The following GABRR2 variants were observed in gnomAD, a reference collection of about 807,000 sequenced individuals.
The protein encoded by GABRR2 is gamma-aminobutyric acid receptor subunit rho-2.
GABRR2 carries 36 observed loss-of-function variants against 47.0 expected under a neutral mutation model. The ratio of observed to expected loss-of-function variants is 0.77; its 90% CI spans 0.59 to 1.01. GABRR2 has a LOEUF of 1.01. GABRR2 is among the 50% of genes least tolerant of loss of function. The probability of loss-of-function intolerance (pLI) is 0.00; values close to 1 mark genes in which losing one functional copy is unlikely to be tolerated. For missense variants in GABRR2, 587 were observed against 594.6 expected, an observed-to-expected ratio of 0.99 and a Z score of 0.13; for synonymous variants, 204 against 227.5, an observed-to-expected ratio of 0.90 and a Z score of 0.93.
chr6:89,301,817 GC>G, intron 1 of GABRR2: 1 of 945,818 alleles, frequency 1.1e-6, no homozygotes. Flanking sequence ...GCCGGCCAGT[GC>G]GGCAACTAGA....
intron 2 of GABRR2, among the ~76,000 whole-genome samples, chr6:89,287,509 C>A (rs757321003): frequency 7.9e-5 from 12 of 152,246 alleles, no homozygotes; most frequent in Non-Finnish European, 1.6e-4. Flanking sequence ...GTCATGTCTG[C>A]GTCTGGAGCC....
chr6:89,260,936 G>T (rs527577776), intron 8 of GABRR2, among the ~76,000 whole-genome samples: 175 of 152,332 alleles, frequency 1.1e-3, no homozygotes, highest in African/African-American at 4.1e-3. Context: ...CAGCAACTAT[G>T]CTTCTTGGTC....
At chr6:89,280,211 A>AATATATATATATATATATATAT (rs35295435) in intron 2 of GABRR2, among the ~76,000 whole-genome samples, 1 of 110,380 alleles carries the variant, frequency 9.1e-6, no homozygotes, top group Non-Finnish European at 1.8e-5. Context: ...TCTAAAAACA[A>AATATATATATATATATATATAT]ATATATATAT....
intron 2 of GABRR2, among the ~76,000 whole-genome samples, chr6:89,282,954 G>C (rs1774275035): frequency 1.3e-5 from 2 of 152,208 alleles, no homozygotes; most frequent in African/African-American, 4.8e-5. Context: ...ACTCCATCCT[G>C]TGTGCTGCAC....
At chr6:89,310,578 C>G (rs1163108006) in intron 1 of GABRR2, among the ~76,000 whole-genome samples, 1 of 152,136 alleles carries the variant, frequency 6.6e-6, no homozygotes. Flanking sequence ...TCTTAAATCC[C>G]TACCCTCTAC....
chr6:89,307,735 T>C (rs1198506474), intron 1 of GABRR2, among the ~76,000 whole-genome samples: 3 of 152,124 alleles, frequency 2.0e-5, no homozygotes, highest in African/African-American at 4.8e-5. Context: ...TAGAAATCAA[T>C]GGAGATTTGG....
chr6:89,265,646 C>A lies in GABRR2; in HGVS notation c.856G>T (p.Asp286Tyr). ...ACTCTGGCAGGCACAGCTCTGCGGT[C>A]GATCCAGAAGGACACCCAGGACAGC... ...VMLSWVSFWI[D>Y]RRAVPARVSL... Residue 286 changes from aspartate (D) to tyrosine (Y), a missense_variant, in exon 7 of 9, where the codon GAC (aspartate) becomes TAC (tyrosine). Coordinates refer to ENST00000402938, the MANE Select transcript of GABRR2 (RefSeq NM_002043.5). The A allele has an allele frequency of 6.2e-7, 1 of 1,614,042 alleles. No homozygotes were observed. The highest frequency in any genetic ancestry group is 1.1e-5 in the South Asian group (1 of 91,050).
intron 1 of GABRR2, 51 bp from the exon 2 acceptor site, chr6:89,299,916 G>T (rs1000651232): frequency 6.7e-6 from 8 of 1,201,842 alleles, no homozygotes; most frequent in Admixed American, 3.4e-5. Context: ...AATGCATTGA[G>T]TGAGATGATT....
chr6:89,265,808 G>A (rs1450691406), intron 6 of GABRR2, 43 bp from the exon 7 acceptor site: 2 of 1,598,656 alleles, frequency 1.3e-6, no homozygotes, highest in Non-Finnish European at 8.5e-7. Flanking sequence ...CATCTGAGAG[G>A]TGAAAGCAAA....
chr6:89,304,065 A>G (rs10455506), intron 1 of GABRR2, among the ~76,000 whole-genome samples: 40,791 of 151,924 alleles, frequency 0.27, 5,648 homozygotes, highest in East Asian at 0.38. Flanking sequence ...CATGATGGAG[A>G]CACCAAAAGC....
chr6:89,272,572 C>A (rs1021158221), intron 2 of GABRR2, among the ~76,000 whole-genome samples: 1 of 152,172 alleles, frequency 6.6e-6, no homozygotes, highest in Non-Finnish European at 1.5e-5. Context: ...AAACCAGCAA[C>A]CTGCATCTAT....
intron 1 of GABRR2, chr6:89,302,938 G>A (rs1285071897): frequency 1.3e-5 from 16 of 1,190,930 alleles, no homozygotes; most frequent in Middle Eastern, 3.0e-4. Context: ...CCAGCACAAG[G>A]CCTTCCTACA....
At chr6:89,259,184 A>G (rs9444680) in intron 8 of GABRR2, among the ~76,000 whole-genome samples, 16,471 of 151,838 alleles carry the variant, frequency 0.11, 1,048 homozygotes, top group African/African-American at 0.17. Context: ...GACACATCCA[A>G]TTGGCGTTGA....
intron 2 of GABRR2, among the ~76,000 whole-genome samples, chr6:89,277,852 C>T (rs1245507908): frequency 9.3e-5 from 1 of 10,792 alleles, no homozygotes; most frequent in African/African-American, 4.8e-4. Context: ...CATACCTTGC[C>T]AGTGGTGGGC....
At chr6:89,264,283 G>C (rs141463411) in intron 8 of GABRR2, 129 bp downstream of exon 8, 2 of 1,119,160 alleles carry the variant, frequency 1.8e-6, no homozygotes, top group East Asian at 5.2e-5. Flanking sequence ...TCTAAAACAA[G>C]ATCCTCCTCG....
intron 2 of GABRR2, among the ~76,000 whole-genome samples, chr6:89,289,150 C>A (rs1322052022): frequency 6.6e-6 from 1 of 152,166 alleles, no homozygotes; most frequent in East Asian, 1.9e-4. Context: ...GTGCTGTGAA[C>A]AAATGCTCGC....
chr6:89,295,851 G>A (rs941464651), intron 2 of GABRR2, among the ~76,000 whole-genome samples: 6 of 152,076 alleles, frequency 3.9e-5, no homozygotes, highest in Non-Finnish European at 7.4e-5. Flanking sequence ...CATATGGCTA[G>A]CCAGTTTTCC....
chr6:89,292,739 TATA>T (rs1167571593), intron 2 of GABRR2, among the ~76,000 whole-genome samples: 2 of 118,488 alleles, frequency 1.7e-5, no homozygotes, highest in Non-Finnish European at 3.8e-5. Context: ...ATATATCATA[TATA>T]ATCGTATATA....
intron 6 of GABRR2, among the ~76,000 whole-genome samples, chr6:89,267,459 C>T (rs1259998994): frequency 1.3e-5 from 2 of 152,126 alleles, no homozygotes; most frequent in Non-Finnish European, 2.9e-5. Flanking sequence ...CCCAGCTACT[C>T]AGGAGGCTGA....
Sources: allele counts gnomAD v4.1 joint callset (sites outside exome capture counted in the v4.1 genomes callset), GRCh38; gene constraint gnomAD v4.1.1; transcripts MANE v1.5; gene names NCBI Gene and HGNC (gene_info 2026-07-23, HGNC 2026-07-21).